CAMK2G: variants seen among roughly 807,000 people sequenced by gnomAD.
CAMK2G encodes calcium/calmodulin-dependent protein kinase type II subunit gamma.
CAMK2G carries 23 observed loss-of-function variants against 88.7 expected under a neutral mutation model. That is an observed-to-expected ratio of 0.26 (90% CI 0.19 to 0.37). The LOEUF (loss-of-function observed/expected upper bound fraction) is 0.37. CAMK2G is among the 10% of genes least tolerant of loss of function. The probability of loss-of-function intolerance (pLI) is 1.00; values close to 1 mark genes in which losing one functional copy is unlikely to be tolerated. For missense variants in CAMK2G, 476 were observed against 780.8 expected, an observed-to-expected ratio of 0.61 and a Z score of 4.65; for synonymous variants, 263 against 294.8, an observed-to-expected ratio of 0.89 and a Z score of 1.11.
chr10:73,835,447 C>T (rs1410447479), intron 14 of CAMK2G, among the ~76,000 whole-genome samples: 3 of 151,920 alleles, frequency 2.0e-5, no homozygotes, highest in Non-Finnish European at 4.4e-5. Flanking sequence ...CAGATGCACA[C>T]CACTATGCCC....
rs747420510 is a variant in CAMK2G at position 73,815,079 on chromosome 10, C to T, written c.1703G>A (p.Arg568Gln). 5.0e-6 allele frequency: 8 copies of T among 1,614,084 alleles called. No individual in the cohort carries two copies. The highest frequency in any genetic ancestry group is 1.7e-5 in the Admixed American group (1 of 60,010). The change falls in exon 22 of 23, where the codon CGG becomes CAG. Residue 568 changes from arginine (R) to glutamine (Q), a missense_variant. Transcript: ENST00000423381. ...GTGGACATTGAGCCACTTGCCATCCCGACGGTGCCAGACCCGGGTCTCTTC... is the reference window on the plus strand; with the variant it reads ...GTGGACATTGAGCCACTTGCCATCCTGACGGTGCCAGACCCGGGTCTCTTC... ...QSEETRVWHRRDGKWLNVHYH... is the reference protein window; with the variant it reads ...QSEETRVWHRQDGKWLNVHYH...
chr10:73,835,013 C>A (rs1005785795), intron 14 of CAMK2G, among the ~76,000 whole-genome samples: 2 of 152,174 alleles, frequency 1.3e-5, no homozygotes, highest in African/African-American at 4.8e-5. Flanking sequence ...TCTTCACATG[C>A]GCTCTTCCCT....
Position 73,842,588 on chromosome 10 carries a change from C to A in CAMK2G, c.820-47G>T. ...TATGAGCCCCAGCCCAGATCCTCTG[C>A]GCCTCCCACAGTCCTGGCACCGATA... is the stretch of plus-strand genomic sequence containing the variant. On this transcript the variant is annotated intron_variant, in intron 10 of 22. Transcript: ENST00000423381. The surrounding 1 kb of genome is among the most constrained non-coding windows in gnomAD (Gnocchi z 4.6). The A allele has an allele frequency of 7.4e-7, 1 of 1,359,390 alleles. No individual in the cohort carries two copies. The highest frequency in any genetic ancestry group is 1.1e-6 in the Non-Finnish European group (1 of 949,422). 84.2% of individuals were successfully genotyped at this position (1,359,390 alleles called of 1,614,324 possible).
intron 14 of CAMK2G, among the ~76,000 whole-genome samples, chr10:73,831,111 T>C (rs529685217): frequency 6.6e-6 from 1 of 152,328 alleles, no homozygotes; most frequent in African/African-American, 2.4e-5. Context: ...ACCCCTTTGA[T>C]GCAGCCACAA....
At position 73,828,099 on chromosome 10, in the gene CAMK2G, A is replaced by T. The variant is rs764545504; in HGVS notation, c.1076T>A (p.Val359Glu). The T allele has an allele frequency of 6.2e-7, 1 of 1,613,772 alleles. No individual in the cohort carries two copies. ...GVKKRKSSSS[V>E]HLMPQSNNKN... Reference sequence around the variant, plus strand: ...GCAGGCAAGGCTCACCATTAGGTGCACGCTGGAACTCGACTTCCTTTTCTG... The same window carrying T: ...GCAGGCAAGGCTCACCATTAGGTGCTCGCTGGAACTCGACTTCCTTTTCTG... Residue 359 changes from valine to glutamate, a missense_variant, in exon 15 of 23, where the codon GTG becomes GAG. By Grantham distance (121) the Val-to-Glu change is moderately radical. Around this residue, in one of 3 missense-constraint regions of CAMK2G, gnomAD observed 278 missense variants for 366.5 expected, o/e 0.76. Transcript: ENST00000423381.
intron 17 of CAMK2G, among the ~76,000 whole-genome samples, chr10:73,822,289 T>G (rs2089187187): frequency 6.6e-6 from 1 of 152,206 alleles, no homozygotes; most frequent in Non-Finnish European, 1.5e-5. Flanking sequence ...TGTCTCAGCC[T>G]CCTGAGTAGC....
chr10:73,822,594 G>A (rs2089340662), intron 17 of CAMK2G, among the ~76,000 whole-genome samples: 1 of 152,010 alleles, frequency 6.6e-6, no homozygotes, highest in South Asian at 2.1e-4. Flanking sequence ...CTCCTACAAG[G>A]GCCTCTGTAG....
chr10:73,816,836 A>G, intron 21 of CAMK2G, 187 bp downstream of exon 21: 1 of 1,566,398 alleles, frequency 6.4e-7, no homozygotes, highest in Non-Finnish European at 8.6e-7. Context: ...GGAGCTCAGG[A>G]GCAGGGCCTT....
At chr10:73,873,929 A>C (rs1334270098) in intron 1 of CAMK2G, among the ~76,000 whole-genome samples, 4 of 53,456 alleles carry the variant, frequency 7.5e-5, no homozygotes, top group African/African-American at 3.2e-4. Flanking sequence ...GGGAGCCTGG[A>C]GCGGCACCCG....
Position 73,849,004 on chromosome 10 carries a change from C to T in CAMK2G, c.517+9G>A. ...GGGCTGCATTCCGGGAAGACAGGAT[C>T]ACCCTTACCAAACCAAGCCTGCTGC... On this transcript the variant is annotated intron_variant, in intron 7 of 22. Coordinates refer to ENST00000423381, the MANE Select transcript of CAMK2G (RefSeq NM_001367534.1). The T allele has an allele frequency of 1.3e-6, 2 of 1,559,868 alleles. No individual in the cohort carries two copies. Among genetic ancestry groups the T allele is most frequent in the South Asian group, 1.1e-5 (1 of 90,006 alleles).
chr10:73,838,235 CA>C (rs2093438370), intron 13 of CAMK2G, among the ~76,000 whole-genome samples: 2 of 152,174 alleles, frequency 1.3e-5, no homozygotes, highest in African/African-American at 4.8e-5. Flanking sequence ...CAGCTGGCCA[CA>C]AAAGGCCACA....
At chr10:73,859,910 C>A (rs1277523984) in intron 3 of CAMK2G, among the ~76,000 whole-genome samples, 2 of 152,122 alleles carry the variant, frequency 1.3e-5, no homozygotes, top group Non-Finnish European at 2.9e-5. Context: ...CAGCCCTGGC[C>A]GCCAACAGAG....
At chr10:73,834,767 G>C (rs1368616739) in intron 14 of CAMK2G, among the ~76,000 whole-genome samples, 1 of 152,200 alleles carries the variant, frequency 6.6e-6, no homozygotes. Flanking sequence ...CATGGTTTGA[G>C]CTGGCTCCTT....
chr10:73,825,429 CT>C (rs2090583780), intron 15 of CAMK2G, 82 bp from the exon 16 acceptor site: 3 of 1,050,326 alleles, frequency 2.9e-6, no homozygotes, highest in African/African-American at 3.1e-5. Flanking sequence ...CCCTTGCCCC[CT>C]GGTCTGGCCT....
intron 15 of CAMK2G, among the ~76,000 whole-genome samples, chr10:73,827,721 A>G (rs373218937): frequency 6.6e-6 from 1 of 152,202 alleles, no homozygotes; most frequent in African/African-American, 2.4e-5. Flanking sequence ...TCCAGCTGCC[A>G]GTCTGTAGGA....
intron 2 of CAMK2G, among the ~76,000 whole-genome samples, chr10:73,863,872 A>G (rs1444502981): frequency 6.6e-6 from 1 of 152,198 alleles, no homozygotes; most frequent in Admixed American, 6.5e-5. Flanking sequence ...GTTCCCGGCA[A>G]GGCCCAGGTC....
intron 12 of CAMK2G, 177 bp downstream of exon 12, chr10:73,841,992 G>C: frequency 1.6e-6 from 1 of 644,328 alleles, no homozygotes; most frequent in South Asian, 1.8e-5. Flanking sequence ...CCAGCCCCCT[G>C]AATCTCAGGA....
intron 21 of CAMK2G, 141 bp from the exon 22 acceptor site, chr10:73,815,388 C>T: frequency 1.7e-6 from 1 of 587,876 alleles, no homozygotes; most frequent in Admixed American, 3.1e-5. Context: ...CACCCCCGAA[C>T]CCCTGAACGC....
chr10:73,831,534 TAAAAAAAAAAAAA>T (rs985986206), intron 14 of CAMK2G, among the ~76,000 whole-genome samples: 3 of 54,614 alleles, frequency 5.5e-5, no homozygotes, highest in East Asian at 5.0e-4. Context: ...AGACTCCGTC[TAAAAAAAAAAAAA>T]AAAAAAAAAA....
Sources: allele counts gnomAD v4.1 joint callset (sites outside exome capture counted in the v4.1 genomes callset), GRCh38; gene constraint gnomAD v4.1.1; regional missense constraint gnomAD v4.1.1; non-coding constraint Gnocchi (gnomAD v3.1); transcripts MANE v1.5; gene names NCBI Gene and HGNC (gene_info 2026-07-23, HGNC 2026-07-21).